The following LYPLA1 variants were observed in gnomAD, a reference collection of about 807,000 sequenced individuals.
The protein encoded by LYPLA1 is acyl-protein thioesterase 1.
In LYPLA1, 17 loss-of-function variants were observed where a neutral mutation model predicts 34.0. The ratio of observed to expected loss-of-function variants is 0.50; its 90% CI spans 0.34 to 0.75. The LOEUF (loss-of-function observed/expected upper bound fraction) is 0.75. LYPLA1 is among the 30% of genes least tolerant of loss of function. The pLI, the probability that LYPLA1 is intolerant of heterozygous loss-of-function variation, is 0.01. For synonymous variants in LYPLA1, 98 were observed against 100.8 expected (o/e 0.97, Z 0.17); for missense variants, 203 against 288.8 (o/e 0.70, Z 2.15).
At chr8:54,096,495 T>C (rs1392566976) in intron 2 of LYPLA1, among the ~76,000 whole-genome samples, 1 of 151,998 alleles carries the variant, frequency 6.6e-6, no homozygotes, top group East Asian at 1.9e-4. Flanking sequence ...TCCCAGCACT[T>C]TGGGAGGCTG....
At chr8:54,101,204 T>C (rs1810115907) in intron 1 of LYPLA1, 2 of 592,006 alleles carry the variant, frequency 3.4e-6, no homozygotes, top group African/African-American at 3.9e-5. Context: ...GATCACATTC[T>C]AAGAAAAACA....
At chr8:54,074,187 T>C (rs957348124) in intron 2 of LYPLA1, among the ~76,000 whole-genome samples, 2 of 152,144 alleles carry the variant, frequency 1.3e-5, no homozygotes, top group Non-Finnish European at 2.9e-5. Context: ...GATAGGAGAA[T>C]GGCGGGAACC....
In LYPLA1 at chr8:54,047,511, T is replaced by C. The variant is rs1434536564; in HGVS notation, c.*554A>G. On this transcript the variant is annotated 3_prime_UTR_variant, in exon 9 of 9. Coordinates refer to ENST00000316963, the MANE Select transcript of LYPLA1 (RefSeq NM_006330.4). ...TTAATTGAAGAGAACGATTTTACTT[T>C]TTCTTGACAATAAACAGCATTATCC... is the stretch of plus-strand genomic sequence containing the variant. The C allele has an allele frequency of 6.6e-6, 1 of 152,206 alleles. No homozygotes were observed. The highest frequency in any genetic ancestry group is 1.5e-5 in the Non-Finnish European group (1 of 68,008). 9.4% of individuals were successfully genotyped at this position (152,206 alleles called of 1,614,324 possible).
intron 2 of LYPLA1, among the ~76,000 whole-genome samples, chr8:54,086,158 G>C (rs1377588487): frequency 6.6e-6 from 1 of 151,896 alleles, no homozygotes; most frequent in Non-Finnish European, 1.5e-5. Context: ...AACATGTGCT[G>C]TGTCCACTAA....
At chr8:54,092,193 G>C (rs969947469) in intron 2 of LYPLA1, among the ~76,000 whole-genome samples, 2 of 151,114 alleles carry the variant, frequency 1.3e-5, no homozygotes, top group African/African-American at 2.4e-5. Context: ...AGGGGGAGGA[G>C]GAGGAGGAGA....
At chr8:54,095,773 C>G (rs55704212) in intron 2 of LYPLA1, among the ~76,000 whole-genome samples, 19,816 of 146,284 alleles carry the variant, frequency 0.14, 3,485 homozygotes, top group African/African-American at 0.42. Context: ...TTTTGGTAGA[C>G]ACAGGGTCTG....
intron 2 of LYPLA1, among the ~76,000 whole-genome samples, chr8:54,077,554 G>A (rs1402861823): frequency 6.6e-6 from 1 of 152,170 alleles, no homozygotes; most frequent in African/African-American, 2.4e-5. Flanking sequence ...CCAGCACTTT[G>A]GGAGGCTGAG....
chr8:54,055,492 A>G (rs192968452), intron 5 of LYPLA1, among the ~76,000 whole-genome samples: 20 of 152,232 alleles, frequency 1.3e-4, no homozygotes, highest in South Asian at 4.1e-4. Context: ...AGAAGAACCA[A>G]TAACAATATT....
chr8:54,087,742 G>T (rs998001849), intron 2 of LYPLA1, among the ~76,000 whole-genome samples: 1 of 152,122 alleles, frequency 6.6e-6, no homozygotes, highest in Non-Finnish European at 1.5e-5. Context: ...ATATGCAAAT[G>T]GCCAATAAGG....
At chr8:54,091,379 T>C (rs976027450) in intron 2 of LYPLA1, among the ~76,000 whole-genome samples, 1 of 151,608 alleles carries the variant, frequency 6.6e-6, no homozygotes, top group African/African-American at 2.4e-5. Context: ...TCCCAGCTAC[T>C]CAGAAGACTG....
At chr8:54,097,463 T>C (rs1031582747) in intron 2 of LYPLA1, among the ~76,000 whole-genome samples, 4 of 152,186 alleles carry the variant, frequency 2.6e-5, no homozygotes, top group African/African-American at 9.7e-5. Context: ...GATAACTAAA[T>C]ATAATGTATG....
intron 2 of LYPLA1, among the ~76,000 whole-genome samples, chr8:54,083,091 A>G (rs1235578416): frequency 1.3e-5 from 2 of 152,312 alleles, no homozygotes; most frequent in Non-Finnish European, 2.9e-5. Flanking sequence ...AAATTCTTTA[A>G]AACATTAATG....
At chr8:54,081,966 G>A (rs1368341728) in intron 2 of LYPLA1, among the ~76,000 whole-genome samples, 1 of 152,082 alleles carries the variant, frequency 6.6e-6, no homozygotes, top group East Asian at 1.9e-4. Context: ...CTGACCTCAG[G>A]TGATCCGCCC....
intron 2 of LYPLA1, among the ~76,000 whole-genome samples, chr8:54,092,027 G>A (rs1056319426): frequency 1.3e-5 from 2 of 151,898 alleles, no homozygotes; most frequent in African/African-American, 2.4e-5. Context: ...CTGTGTTCAC[G>A]CCACTGCACT....
downstream of LYPLA1, chr8:54,044,751 T>C (rs976390539): frequency 5.3e-5 from 8 of 152,000 alleles, no homozygotes; most frequent in Admixed American, 2.0e-4. Flanking sequence ...CTGGGCAACA[T>C]AGCAAGACCC....
chr8:54,052,808 A>C (rs777830301), intron 6 of LYPLA1, 52 bp from the exon 7 acceptor site: 2 of 1,088,108 alleles, frequency 1.8e-6, no homozygotes, highest in Non-Finnish European at 2.8e-6. Context: ...TGCCCACAGC[A>C]ATTTAGGGAA....
intron 2 of LYPLA1, among the ~76,000 whole-genome samples, chr8:54,088,944 C>T (rs1808997607): frequency 6.6e-6 from 1 of 152,158 alleles, no homozygotes; most frequent in African/African-American, 2.4e-5. Context: ...GCCTGAAAAA[C>T]ATTATGTTAT....
intron 2 of LYPLA1, among the ~76,000 whole-genome samples, chr8:54,082,813 G>A (rs1485024658): frequency 4.0e-5 from 6 of 151,742 alleles, no homozygotes; most frequent in East Asian, 1.9e-4. Context: ...TGCAAGCCCC[G>A]CCTCCCAGGT....
chr8:54,056,145 A>G (rs559985239), intron 5 of LYPLA1, among the ~76,000 whole-genome samples: 3 of 152,192 alleles, frequency 2.0e-5, no homozygotes, highest in Non-Finnish European at 4.4e-5. Context: ...CTATACACAC[A>G]CACCTACAGT....
Sources: gnomAD v4.1 joint callset for allele counts (sites outside exome capture counted in the v4.1 genomes callset) on GRCh38, gnomAD v4.1.1 for gene constraint, MANE v1.5 for transcripts, NCBI Gene and HGNC (gene_info 2026-07-23, HGNC 2026-07-21) for gene names.